Variants in VPS37A observed in about 807,000 individuals in gnomAD.
VPS37A encodes vacuolar protein sorting-associated protein 37A.
VPS37A carries 30 observed loss-of-function variants against 49.8 expected under a neutral mutation model. The ratio of observed to expected loss-of-function variants is 0.60; its 90% CI spans 0.45 to 0.82. The LOEUF (loss-of-function observed/expected upper bound fraction) is 0.82. Among genes scored for constraint, VPS37A ranks in the 40% least tolerant of loss-of-function variants. The pLI is 0.00. For missense variants in VPS37A, 593 were observed against 464.4 expected (o/e 1.28, Z -2.55); for synonymous variants, 195 against 160.6 (o/e 1.21, Z -1.62).
chr8:17,248,681 CTAGT>C (rs1224185444), intron 1 of VPS37A, among the ~76,000 whole-genome samples: 1 of 152,124 alleles, frequency 6.6e-6, no homozygotes, highest in Non-Finnish European at 1.5e-5. Flanking sequence ...ATTAAATAGT[CTAGT>C]TAATAGAAAA....
At chr8:17,320,848 C>T in the VPS37A span, among the ~76,000 whole-genome samples, 1 of 152,224 alleles carries the variant, frequency 6.6e-6, no homozygotes, top group African/African-American at 2.4e-5. Context: ...TCACCACTCC[C>T]TGGGCGCCTG....
At chr8:17,325,593 G>C in the VPS37A span, among the ~76,000 whole-genome samples, 1 of 152,156 alleles carries the variant, frequency 6.6e-6, no homozygotes, top group Non-Finnish European at 1.5e-5. Context: ...CTGACGCGGG[G>C]CCTGCGTCCC....
rs1371490221 is a variant in VPS37A, at chr8:17,266,117, G to A, written c.200+136G>A. Reference sequence around the variant, plus strand: ...AATTTATAAAATAGTGCACAATTCAGTGAAATAAAAATATTCGAAAGCTAT... The same window carrying A: ...AATTTATAAAATAGTGCACAATTCAATGAAATAAAAATATTCGAAAGCTAT... On this transcript the variant is annotated intron_variant, in intron 2 of 11. Coordinates refer to ENST00000324849, the MANE Select transcript of VPS37A (RefSeq NM_152415.3). 4 of 754,312 alleles carry A rather than the reference G, an allele frequency of 5.3e-6. No homozygotes were observed. The African/African-American group carries it at 7.1e-5, about 13-fold the overall frequency. 46.7% of individuals were successfully genotyped at this position (754,312 alleles called of 1,614,324 possible).
chr8:17,280,230 A>C lies in VPS37A; in HGVS notation c.842-9A>C, dbSNP rs1203709498. 1.2e-6 allele frequency: 2 copies of C among 1,612,608 alleles called. No individual in the cohort carries two copies. Among genetic ancestry groups the C allele is most frequent in the South Asian group, 2.2e-5 (2 of 90,758 alleles). On this transcript the variant is annotated splice_polypyrimidine_tract_variant and intron_variant, in intron 7 of 11. Coordinates refer to ENST00000324849, the MANE Select transcript of VPS37A (RefSeq NM_152415.3). ...TTACCTAGAAGTAAACTAGAGATTTATCTTACAGGAAAAAATCTCCTTTTG... is the reference window on the plus strand; with the variant it reads ...TTACCTAGAAGTAAACTAGAGATTTCTCTTACAGGAAAAAATCTCCTTTTG...
chr8:17,300,349 G>T, downstream of VPS37A: 2 of 1,078,554 alleles, frequency 1.9e-6, no homozygotes, highest in Non-Finnish European at 1.3e-6. Flanking sequence ...GACTCAGAGG[G>T]ATGTGAGTTC....
intron 1 of VPS37A, among the ~76,000 whole-genome samples, chr8:17,262,547 G>C (rs138944297): frequency 0.014 from 2,146 of 151,308 alleles, 36 homozygotes; most frequent in Middle Eastern, 0.041. Flanking sequence ...TTCTCTTGTG[G>C]TGTGATTAAA....
At chr8:17,249,464 T>C (rs1811769850) in intron 1 of VPS37A, among the ~76,000 whole-genome samples, 2 of 152,228 alleles carry the variant, frequency 1.3e-5, no homozygotes, top group South Asian at 4.1e-4. Context: ...TATTTTATTG[T>C]TTTAAGTTCT....
the VPS37A span, among the ~76,000 whole-genome samples, chr8:17,327,276 A>C: frequency 6.6e-6 from 1 of 151,936 alleles, no homozygotes; most frequent in Non-Finnish European, 1.5e-5. Flanking sequence ...TCTATATCTT[A>C]TTTTATTTTT....
At chr8:17,266,678 A>G (rs1452196460) in intron 2 of VPS37A, among the ~76,000 whole-genome samples, 1 of 152,246 alleles carries the variant, frequency 6.6e-6, no homozygotes, top group Non-Finnish European at 1.5e-5. Context: ...CCTTGCCAGC[A>G]TACTGCCTGT....
rs754197914 is a variant in VPS37A at position 17,247,224 on chromosome 8, C to T, written c.-21C>T. 1.0e-5 allele frequency: 16 copies of T among 1,563,686 alleles called. No individual in the cohort carries two copies. Among genetic ancestry groups the T allele is most frequent in the African/African-American group, 5.4e-5 (4 of 73,568 alleles). On this transcript the variant is annotated 5_prime_UTR_variant, in exon 1 of 12. Transcript: ENST00000324849. The stretch of plus-strand genomic sequence containing the variant: ...GCAGGCCAGAGCCTTCCAGGGCCTC[C>T]GGCCCGTGGACCCGAGGAGGATGAG...
At chr8:17,264,564 C>G (rs753013952) in intron 1 of VPS37A, among the ~76,000 whole-genome samples, 4 of 152,168 alleles carry the variant, frequency 2.6e-5, no homozygotes, top group Non-Finnish European at 5.9e-5. Context: ...TTCTGTAACT[C>G]CATCCCAACA....
Position 17,277,231 on chromosome 8 carries a change from T to G in VPS37A, c.713+764T>G, listed in dbSNP as rs548535106. ...TTGCACCAGTGTTTTATAGTCATTT[T>G]AAGGAAATAGTGATTTATTGTCTTC... On this transcript the variant is annotated intron_variant, in intron 6 of 11. Coordinates refer to ENST00000324849, the MANE Select transcript of VPS37A (RefSeq NM_152415.3). Among the ~76,000 whole-genome samples the G allele has an allele frequency of 2.0e-4, 31 of 152,262 alleles. No homozygotes were observed. The South Asian group carries it at 3.1e-3, about 15-fold the overall frequency.
the VPS37A span, among the ~76,000 whole-genome samples, chr8:17,324,251 C>G: frequency 5.3e-5 from 8 of 152,212 alleles, no homozygotes; most frequent in Admixed American, 2.6e-4. Flanking sequence ...CTCTCAGTAA[C>G]TGTCTGATGA....
chr8:17,272,512 G>A (rs1257189321), intron 4 of VPS37A, among the ~76,000 whole-genome samples: 2 of 152,054 alleles, frequency 1.3e-5, no homozygotes, highest in African/African-American at 2.4e-5. Context: ...GATAAGTTCG[G>A]GGATATAGTA....
At chr8:17,268,735 C>T in intron 3 of VPS37A, 121 bp from the exon 4 acceptor site, 2 of 697,882 alleles carry the variant, frequency 2.9e-6, no homozygotes, top group East Asian at 2.8e-5. Flanking sequence ...TTGCTAATAT[C>T]CTTTTTCATT....
chr8:17,254,959 A>G (rs1012474681), intron 1 of VPS37A, among the ~76,000 whole-genome samples: 1 of 152,146 alleles, frequency 6.6e-6, no homozygotes, highest in East Asian at 1.9e-4. Context: ...TATAAACGTT[A>G]CTTGAGTTAC....
In VPS37A at chr8:17,272,938, A is replaced by G. The variant is rs528371184; in HGVS notation, c.417-1795A>G. On this transcript the variant is annotated intron_variant, in intron 4 of 11. Coordinates refer to ENST00000324849, the MANE Select transcript of VPS37A (RefSeq NM_152415.3). ...TGGGTTTGTGTATATATAATTCCTG[A>G]GCTGTTTTATTCATCTACAAGAAAA... Among the ~76,000 whole-genome samples, 5 of 149,108 alleles carry G rather than the reference A, an allele frequency of 3.4e-5. No homozygotes were observed. In the South Asian group the frequency reaches 8.5e-4, roughly 25 times the overall value.
At chr8:17,303,550 A>G (rs73210204), downstream of VPS37A, among the ~76,000 whole-genome samples, 12,017 of 151,980 alleles carry the variant, frequency 0.079, 639 homozygotes, top group South Asian at 0.2. Context: ...TATCTAGCAC[A>G]TACCTAGTAG....
chr8:17,294,425 G>A (rs1586094684), intron 11 of VPS37A, among the ~76,000 whole-genome samples: 1 of 152,160 alleles, frequency 6.6e-6, no homozygotes, highest in East Asian at 1.9e-4. Flanking sequence ...AGACCATTTG[G>A]CTCCCTGGCA....
Sources: gnomAD v4.1 joint callset for allele counts (sites outside exome capture counted in the v4.1 genomes callset) on GRCh38, gnomAD v4.1.1 for gene constraint, MANE v1.5 for transcripts, NCBI Gene and HGNC (gene_info 2026-07-23, HGNC 2026-07-21) for gene names.